The following TBCE variants were observed in gnomAD, a reference collection of about 807,000 sequenced individuals.
TBCE encodes tubulin folding cofactor E, also known as tubulin-specific chaperone E.
A neutral mutation model predicts 77.0 loss-of-function variants in TBCE; 53 were observed. That is an observed-to-expected ratio of 0.69 (90% CI 0.55 to 0.87). The LOEUF (loss-of-function observed/expected upper bound fraction) is 0.87, where lower values mean the gene tolerates loss of function less well. TBCE is among the 40% of genes least tolerant of loss of function. The pLI, the probability that TBCE is intolerant of heterozygous loss-of-function variation, is 0.00. For missense variants in TBCE, 624 were observed against 622.4 expected (o/e 1.00, Z -0.03); for synonymous variants, 235 against 241.3 (o/e 0.97, Z 0.24).
At chr1:235,409,189 GT>G (rs896465260) in intron 3 of TBCE, among the ~76,000 whole-genome samples, 1 of 152,114 alleles carries the variant, frequency 6.6e-6, no homozygotes, top group Non-Finnish European at 1.5e-5. Context: ...AGCACATGCT[GT>G]TTCCACAAGG....
chr1:235,404,453 G>A (rs987699411), intron 3 of TBCE, among the ~76,000 whole-genome samples: 2 of 151,968 alleles, frequency 1.3e-5, no homozygotes, highest in African/African-American at 4.8e-5. Context: ...TGGTATGCCT[G>A]CATAGGGCAC....
At chr1:235,426,143 C>T (rs1005429382) in intron 5 of TBCE, among the ~76,000 whole-genome samples, 18 of 152,176 alleles carry the variant, frequency 1.2e-4, no homozygotes, top group African/African-American at 4.1e-4. Context: ...GGTCCTGCTG[C>T]AAGCTCCTCT....
At chr1:235,404,912 A>G (rs550348619) in intron 3 of TBCE, among the ~76,000 whole-genome samples, 14 of 149,772 alleles carry the variant, frequency 9.3e-5, no homozygotes, top group African/African-American at 3.0e-4. Context: ...AACCCTCCTC[A>G]GCCTCCCAAA....
At chr1:235,414,736 C>T in intron 4 of TBCE, 118 bp downstream of exon 4, 4 of 973,418 alleles carry the variant, frequency 4.1e-6, no homozygotes, top group Non-Finnish European at 4.8e-6. Flanking sequence ...GTTTATGGTT[C>T]CACAGAAACG....
chr1:235,441,375 G>T, intron 13 of TBCE: 1 of 257,916 alleles, frequency 3.9e-6, no homozygotes, highest in Non-Finnish European at 7.5e-6. Context: ...CCTGTGGATC[G>T]TGTCTCAGGT....
intron 1 of TBCE, among the ~76,000 whole-genome samples, chr1:235,374,920 CT>C (rs1241323977): frequency 0.023 from 2,552 of 111,902 alleles, 106 homozygotes; most frequent in African/African-American, 0.089. Context: ...CTTTTTTTTT[CT>C]TTTTTTTTTT....
chr1:235,425,254 C>G (rs1174428148), intron 5 of TBCE, among the ~76,000 whole-genome samples: 1 of 152,172 alleles, frequency 6.6e-6, no homozygotes, highest in Non-Finnish European at 1.5e-5. Context: ...TCCATTTGCA[C>G]AGGCCACAGA....
chr1:235,450,389 A>G lies in TBCE; in HGVS notation c.*1627A>G. On this transcript the variant is annotated 3_prime_UTR_variant, in exon 17 of 17. Transcript: ENST00000642610. ...ATCTGAGAGTGGTGAAACTGTTTTA[A>G]GAGCATCAGAAAGTATGCACGTAGA... The G allele has an allele frequency of 6.3e-7, 1 of 1,592,576 alleles. No individual in the cohort carries two copies. The highest frequency in any genetic ancestry group is 1.1e-5 in the South Asian group (1 of 90,482).
At chr1:235,391,473 T>G (rs1678383994) in intron 2 of TBCE, among the ~76,000 whole-genome samples, 1 of 142,960 alleles carries the variant, frequency 7.0e-6, no homozygotes, top group Admixed American at 7.1e-5. Flanking sequence ...CCACAAAGAC[T>G]CCATCTCAAA....
chr1:235,399,144 G>A (rs890587362), intron 2 of TBCE, among the ~76,000 whole-genome samples: 16 of 151,670 alleles, frequency 1.1e-4, no homozygotes, highest in African/African-American at 2.9e-4. Flanking sequence ...TAGTAGAGAC[G>A]GGGTTTTGCC....
chr1:235,387,789 C>T (rs1485471373), intron 2 of TBCE, among the ~76,000 whole-genome samples: 1 of 152,094 alleles, frequency 6.6e-6, no homozygotes, highest in Non-Finnish European at 1.5e-5. Context: ...TGGTCTCAAT[C>T]CAGACCCCAA....
In TBCE at chr1:235,442,894, T is replaced by C; in HGVS notation, c.1382T>C (p.Leu461Pro). The C allele has an allele frequency of 1.9e-6, 3 of 1,614,114 alleles. No individual in the cohort carries two copies. The highest frequency in any genetic ancestry group is 2.5e-6 in the Non-Finnish European group (3 of 1,180,000). ...CCTCATCAACTTGATCAGAAAGTCC[T>C]GGAGAAACAACTGCCGGGTAAGAAG... ...KYPHQLDQKV[L>P]EKQLPGSMTI... Residue 461 changes from leucine to proline, a missense_variant, in exon 15 of 17, where the codon CTG (leucine) becomes CCG (proline). Transcript: ENST00000642610.
rs367814812 is a variant in TBCE, at chr1:235,437,449, A to G, written c.1091A>G (p.Gln364Arg). The stretch of plus-strand genomic sequence containing the variant: ...CTACTCATTATCGCCAGCATTGGCC[A>G]GCTGAAGACGCTGAACAAATGTGAG... ...ARLLIIASIG[Q>R]LKTLNKCEIL... is the part of the protein sequence containing the mutation. Residue 364 changes from glutamine to arginine, a missense_variant, in exon 12 of 17, where the codon CAG (glutamine) becomes CGG (arginine). Transcript: ENST00000642610. 1 of 1,614,094 alleles carries G rather than the reference A, an allele frequency of 6.2e-7. No individual in the cohort carries two copies. Among genetic ancestry groups the G allele is most frequent in the Non-Finnish European group, 8.5e-7 (1 of 1,180,044 alleles).
At chr1:235,419,697 G>T in intron 5 of TBCE, 136 bp downstream of exon 5, 1 of 1,226,698 alleles carries the variant, frequency 8.2e-7, no homozygotes. Context: ...GCTTGGTGTA[G>T]TTGGGGCCCA....
chr1:235,377,439 A>G (rs1426426236), intron 1 of TBCE, among the ~76,000 whole-genome samples: 1 of 152,208 alleles, frequency 6.6e-6, no homozygotes, highest in Non-Finnish European at 1.5e-5. Context: ...TTGGCCTCCC[A>G]AAATGCTGGG....
At chr1:235,410,672 A>T (rs112373047) in intron 3 of TBCE, among the ~76,000 whole-genome samples, 1 of 152,170 alleles carries the variant, frequency 6.6e-6, no homozygotes, top group Non-Finnish European at 1.5e-5. Flanking sequence ...TTCAAGATGG[A>T]GTTGCTCTGG....
chr1:235,419,442 T>C, intron 4 of TBCE, 31 bp from the exon 5 acceptor site: 1 of 1,614,196 alleles, frequency 6.2e-7, no homozygotes, highest in Non-Finnish European at 8.5e-7. Flanking sequence ...TACGTGCTTA[T>C]GTATCCATGT....
intron 1 of TBCE, among the ~76,000 whole-genome samples, chr1:235,379,797 A>G (rs530733967): frequency 6.6e-6 from 1 of 151,782 alleles, no homozygotes; most frequent in South Asian, 2.1e-4. Flanking sequence ...GAAAATACAA[A>G]AATTGGCTGG....
At chr1:235,414,767 C>A in intron 4 of TBCE, 149 bp downstream of exon 4, 1 of 748,522 alleles carries the variant, frequency 1.3e-6, no homozygotes, top group Non-Finnish European at 2.3e-6. Context: ...CTGAGGAATC[C>A]AAGAATTATT....
Sources: allele counts gnomAD v4.1 joint callset (sites outside exome capture counted in the v4.1 genomes callset), GRCh38; gene constraint gnomAD v4.1.1; transcripts MANE v1.5; gene names NCBI Gene and HGNC (gene_info 2026-07-23, HGNC 2026-07-21).